The following BCL7C variants were observed in gnomAD, a reference collection of about 807,000 sequenced individuals.
BCL7C encodes B-cell CLL/lymphoma 7 protein family member C.
Under a neutral mutation model 26.2 loss-of-function variants are expected in BCL7C, and 8 were observed. The observed-to-expected ratio is 0.30, with a 90% CI of 0.18 to 0.55. The LOEUF (loss-of-function observed/expected upper bound fraction) is 0.55. Among genes scored for constraint, BCL7C ranks in the 20% least tolerant of loss-of-function variants. The pLI, the probability that BCL7C is intolerant of heterozygous loss-of-function variation, is 0.93. For synonymous variants in BCL7C, 90 were observed against 116.5 expected (o/e 0.77, Z 1.47); for missense variants, 262 against 298.5 (o/e 0.88, Z 0.90).
Position 30,893,029 on chromosome 16 carries a change from AG to A in BCL7C, c.172-82del. The A allele has an allele frequency of 7.1e-7, 1 of 1,400,336 alleles. No individual in the cohort carries two copies. Among genetic ancestry groups the A allele is most frequent in the Non-Finnish European group, 9.9e-7 (1 of 1,011,558 alleles). The allele number at this position is 1,400,336 out of a possible 1,614,324, so 86.7% of individuals were successfully genotyped here. A position where few individuals can be genotyped will look rare whatever the true frequency, so the allele number is the denominator to read the frequency against. ...GGAAACTGAGGCACTGAGAAGCAAA[AG>A]GGCTCAAACTCAGGGGGTGTGGAGC... On this transcript the variant is annotated intron_variant, in intron 2 of 5. Coordinates refer to ENST00000215115, the MANE Select transcript of BCL7C (RefSeq NM_004765.4). The surrounding 1 kb of genome is among the most constrained non-coding windows in gnomAD (Gnocchi z 5.2).
At chr16:30,891,168 CAAAA>C (rs147478982) in intron 4 of BCL7C, among the ~76,000 whole-genome samples, 2 of 84,664 alleles carry the variant, frequency 2.4e-5, no homozygotes, top group African/African-American at 4.3e-5. Context: ...GACTTCATCT[CAAAA>C]AAAAAAAAAA....
chr16:30,886,526 G>T (rs2055135060), downstream of BCL7C, among the ~76,000 whole-genome samples: 1 of 152,172 alleles, frequency 6.6e-6, no homozygotes, highest in African/African-American at 2.4e-5. Context: ...ATTTATTCAT[G>T]AAGCAGCTGC....
intron 5 of BCL7C, among the ~76,000 whole-genome samples, chr16:30,876,943 G>A (rs1457334978): frequency 6.6e-6 from 1 of 152,200 alleles, no homozygotes; most frequent in African/African-American, 2.4e-5. Context: ...CATGTGGCTG[G>A]AGGGCAGGAC....
chr16:30,893,408 T>G lies in BCL7C; in HGVS notation c.93-118A>C. 1.4e-6 allele frequency: 1 copy of G among 718,098 alleles called. No individual in the cohort carries two copies. The highest frequency in any genetic ancestry group is 2.3e-6 in the Non-Finnish European group (1 of 433,308). 44.5% of individuals were successfully genotyped at this position (718,098 alleles called of 1,614,324 possible). On this transcript the variant is annotated intron_variant, in intron 1 of 5. Coordinates refer to ENST00000215115, the MANE Select transcript of BCL7C (RefSeq NM_004765.4). The surrounding 1 kb of genome is among the most constrained non-coding windows in gnomAD (Gnocchi z 5.2). The stretch of plus-strand genomic sequence containing the variant: ...AGGAGGCACAGGAGGATAGCAACAG[T>G]TTTGCTAATGGGGCATAGTTACATG...
At chr16:30,876,835 G>A (rs975958749) in intron 5 of BCL7C, among the ~76,000 whole-genome samples, 1 of 152,202 alleles carries the variant, frequency 6.6e-6, no homozygotes, top group Non-Finnish European at 1.5e-5. Context: ...GGCAGGAGAG[G>A]TGGGCAGGGG....
rs7188320 is a variant in BCL7C, at chr16:30,839,698, C to T, written c.529-4550G>A. Among the ~76,000 whole-genome samples, 14 of 152,278 alleles carry T rather than the reference C, an allele frequency of 9.2e-5. No individual in the cohort carries two copies. In the East Asian group the frequency reaches 2.5e-3, roughly 27 times the overall value. ...CTTTGGCTAACAACCTAAACGAGCT[C>T]GAAAGTGGATTCTTCTTCAAAGCAT... is the stretch of plus-strand genomic sequence containing the variant. On this transcript the variant is annotated intron_variant, in intron 5 of 5. Coordinates refer to the BCL7C transcript ENST00000380317.
chr16:30,876,735 C>A (rs1426647090), intron 5 of BCL7C, among the ~76,000 whole-genome samples: 2 of 152,266 alleles, frequency 1.3e-5, no homozygotes, highest in Non-Finnish European at 2.9e-5. Flanking sequence ...AAGGGCTTCA[C>A]AGACAGAGGG....
rs939855384 is a variant in BCL7C, at chr16:30,843,672, C to A, written c.529-8524G>T. ...GATCTGCTGGATCTCAAGCACCACA[C>A]AGTAGACCAGCATGTGATGTAATGC... On this transcript the variant is annotated intron_variant, in intron 5 of 5. Coordinates refer to the BCL7C transcript ENST00000380317. Among the ~76,000 whole-genome samples, 3 of 152,230 alleles carry A rather than the reference C, an allele frequency of 2.0e-5. No individual in the cohort carries two copies. The South Asian group carries it at 6.2e-4, about 32-fold the overall frequency.
At chr16:30,869,709 C>T (rs1338818497) in intron 5 of BCL7C, among the ~76,000 whole-genome samples, 1 of 151,398 alleles carries the variant, frequency 6.6e-6, no homozygotes, top group Non-Finnish European at 1.5e-5. Context: ...GATGGGGTCT[C>T]GCTATGGTGC....
chr16:30,887,894 GC>G lies in BCL7C; in HGVS notation c.624del (p.Lys208AsnfsTer34), dbSNP rs1344349819. ...TEDSEGAPPL[K>X]RICPNAPDP ...GGGTCAGGGGCATTTGGGCAGATGC[GC>G]TTGAGTGGGGGGGCACCCTCCGAGT... On this transcript the variant is annotated frameshift_variant, in exon 6 of 6. Transcript: ENST00000215115. LOFTEE classifies it high-confidence loss of function. 1.2e-6 allele frequency: 2 copies of G among 1,600,830 alleles called. No homozygotes were observed. Among genetic ancestry groups the G allele is most frequent in the Non-Finnish European group, 1.7e-6 (2 of 1,174,508 alleles).
At chr16:30,851,785 C>A in intron 5 of BCL7C, 1 of 383,326 alleles carries the variant, frequency 2.6e-6, no homozygotes, top group South Asian at 3.9e-5. Flanking sequence ...TTGGGAAGTA[C>A]TTTAGAGCTG....
At chr16:30,880,500 C>A (rs372061061) in intron 5 of BCL7C, among the ~76,000 whole-genome samples, 1 of 148,902 alleles carries the variant, frequency 6.7e-6, no homozygotes, top group African/African-American at 2.5e-5. Context: ...GAGATTGAGA[C>A]CATCCTGGCT....
intron 4 of BCL7C, among the ~76,000 whole-genome samples, chr16:30,891,886 C>G (rs2055242928): frequency 6.6e-6 from 1 of 151,910 alleles, no homozygotes; most frequent in African/African-American, 2.4e-5. Context: ...ATCCCTTGAG[C>G]CCAGGAGTTT....
At chr16:30,839,951 G>A (rs540131368) in intron 5 of BCL7C, among the ~76,000 whole-genome samples, 93 of 152,288 alleles carry the variant, frequency 6.1e-4, no homozygotes, top group African/African-American at 2.1e-3. Flanking sequence ...CTCCAGGAGA[G>A]GACTCTGTCA....
At chr16:30,840,132 T>C (rs2151359338) in intron 5 of BCL7C, among the ~76,000 whole-genome samples, 1 of 152,208 alleles carries the variant, frequency 6.6e-6, no homozygotes, top group East Asian at 1.9e-4. Context: ...TATATATCTG[T>C]TTCTTCCTCT....
chr16:30,864,441 T>C (rs1305855732), intron 5 of BCL7C, among the ~76,000 whole-genome samples: 1 of 152,206 alleles, frequency 6.6e-6, no homozygotes. Flanking sequence ...TAATTCTATA[T>C]GACAAATGCT....
At chr16:30,871,902 T>C (rs919234784) in intron 5 of BCL7C, among the ~76,000 whole-genome samples, 1 of 152,150 alleles carries the variant, frequency 6.6e-6, no homozygotes, top group African/African-American at 2.4e-5. Context: ...TGGAGGTGCT[T>C]AGCCTCAAGT....
intron 5 of BCL7C, among the ~76,000 whole-genome samples, chr16:30,849,040 A>G (rs146235469): frequency 0.023 from 3,436 of 152,016 alleles, 120 homozygotes; most frequent in African/African-American, 0.079. Flanking sequence ...ACAAAAAATT[A>G]ACCAGGCGTG....
At chr16:30,890,621 G>A (rs924639856) in intron 4 of BCL7C, among the ~76,000 whole-genome samples, 54 of 151,578 alleles carry the variant, frequency 3.6e-4, no homozygotes, top group Admixed American at 3.3e-3. Context: ...AGGCCGAGGC[G>A]GGCGGATCAC....
Sources: allele counts gnomAD v4.1 joint callset (sites outside exome capture counted in the v4.1 genomes callset), GRCh38; gene constraint gnomAD v4.1.1; non-coding constraint Gnocchi (gnomAD v3.1); transcripts MANE v1.5; gene names NCBI Gene and HGNC (gene_info 2026-07-23, HGNC 2026-07-21).